The following TRHDE variants were observed in gnomAD, a reference collection of about 807,000 sequenced individuals.
TRHDE encodes the protein thyrotropin releasing hormone degrading enzyme.
In TRHDE, 72 loss-of-function variants were observed where a neutral mutation model predicts 125.7. The observed-to-expected ratio is 0.57, with a 90% CI of 0.47 to 0.70. The LOEUF (loss-of-function observed/expected upper bound fraction) is 0.70, where lower values mean the gene tolerates loss of function less well. TRHDE is among the 30% of genes least tolerant of loss of function. The pLI, the probability that TRHDE is intolerant of heterozygous loss-of-function variation, is 0.00. For synonymous variants in TRHDE, 509 were observed against 509.1 expected, an observed-to-expected ratio of 1.00 and a Z score of 0.00; for missense variants, 1,110 against 1,327.1, an observed-to-expected ratio of 0.84 and a Z score of 2.54.
intron 2 of TRHDE, among the ~76,000 whole-genome samples, chr12:72,171,766 T>A (rs2139335728): frequency 6.6e-6 from 1 of 152,300 alleles, no homozygotes; most frequent in Admixed American, 6.5e-5. Context: ...AAGAATGCTA[T>A]GGCCTATGTT....
intron 2 of TRHDE, among the ~76,000 whole-genome samples, chr12:72,240,254 T>G (rs953180507): frequency 6.6e-6 from 1 of 150,426 alleles, no homozygotes; most frequent in African/African-American, 2.4e-5. Flanking sequence ...ATTAAAATCC[T>G]ACACCAAAAA....
At chr12:72,295,384 C>G (rs1253173442) in intron 2 of TRHDE, among the ~76,000 whole-genome samples, 3 of 152,164 alleles carry the variant, frequency 2.0e-5, no homozygotes, top group Non-Finnish European at 4.4e-5. Flanking sequence ...AGATGGCCCA[C>G]TGCTGCCGTC....
chr12:72,506,240 G>A (rs573767643), intron 6 of TRHDE, among the ~76,000 whole-genome samples: 3 of 152,248 alleles, frequency 2.0e-5, no homozygotes, highest in African/African-American at 7.2e-5. Flanking sequence ...GGGTCTGGGA[G>A]TTAGAGGCTA....
At chr12:72,160,031 AC>A (rs1249151394) in intron 2 of TRHDE, among the ~76,000 whole-genome samples, 1 of 152,134 alleles carries the variant, frequency 6.6e-6, no homozygotes, top group Non-Finnish European at 1.5e-5. Flanking sequence ...CTCTTCTTCT[AC>A]CATTCATGCC....
chr12:72,576,425 TTC>T (rs1870997151), intron 12 of TRHDE, among the ~76,000 whole-genome samples: 2 of 152,136 alleles, frequency 1.3e-5, no homozygotes, highest in African/African-American at 2.4e-5. Context: ...AGTTTATGTA[TTC>T]AATCAAAATT....
At chr12:72,537,592 T>C (rs1007308263) in intron 6 of TRHDE, among the ~76,000 whole-genome samples, 29 of 152,100 alleles carry the variant, frequency 1.9e-4, no homozygotes, top group African/African-American at 6.8e-4. Flanking sequence ...TCTTGGGTAG[T>C]TCTTTATAGC....
chr12:72,405,021 C>A (rs1376710844), intron 3 of TRHDE, among the ~76,000 whole-genome samples: 1 of 152,192 alleles, frequency 6.6e-6, no homozygotes, highest in African/African-American at 2.4e-5. Flanking sequence ...ATGAGGGAGA[C>A]AGATCTAAGT....
intron 2 of TRHDE, among the ~76,000 whole-genome samples, chr12:72,337,816 TTTTATTTTTA>T (rs67146424): frequency 0.35 from 52,452 of 151,542 alleles, 9,761 homozygotes; most frequent in Non-Finnish European, 0.43. Flanking sequence ...TTATTATTAT[TTTTATTTTTA>T]TTGTCAGCCC....
chr12:72,206,834 T>C (rs997481810), intron 2 of TRHDE, among the ~76,000 whole-genome samples: 12 of 151,848 alleles, frequency 7.9e-5, no homozygotes, highest in African/African-American at 2.2e-4. Context: ...TAAATACTTA[T>C]ATATAATATG....
At chr12:72,509,325 C>T (rs1472092863) in intron 6 of TRHDE, among the ~76,000 whole-genome samples, 1 of 151,852 alleles carries the variant, frequency 6.6e-6, no homozygotes, top group African/African-American at 2.4e-5. Flanking sequence ...ACCCACAAAT[C>T]CCTTCCTGAT....
At chr12:72,405,414 G>A (rs1416928037) in intron 3 of TRHDE, among the ~76,000 whole-genome samples, 1 of 152,148 alleles carries the variant, frequency 6.6e-6, no homozygotes, top group Admixed American at 6.5e-5. Flanking sequence ...CACCTACTGT[G>A]ATTTGAGTTA....
intron 15 of TRHDE, among the ~76,000 whole-genome samples, chr12:72,645,655 T>C (rs1450820931): frequency 6.6e-6 from 1 of 152,224 alleles, no homozygotes; most frequent in East Asian, 1.9e-4. Flanking sequence ...TAAGGAAATG[T>C]ACATCAAGAC....
intron 3 of TRHDE, among the ~76,000 whole-genome samples, chr12:72,417,669 G>A (rs1341716740): frequency 2.0e-5 from 3 of 151,940 alleles, no homozygotes; most frequent in Admixed American, 6.6e-5. Flanking sequence ...ACTGAGCTGT[G>A]TGATTCTATT....
chr12:72,253,653 T>A (rs986245551), intron 2 of TRHDE: 1 of 152,170 alleles, frequency 6.6e-6, no homozygotes, highest in Non-Finnish European at 1.5e-5. Context: ...GAGTGGTACA[T>A]TTGTTATAAC....
At chr12:72,395,071 T>G (rs1369427067) in intron 3 of TRHDE, among the ~76,000 whole-genome samples, 1 of 152,206 alleles carries the variant, frequency 6.6e-6, no homozygotes, top group Non-Finnish European at 1.5e-5. Context: ...ATACTTAAAA[T>G]ATACATTCTT....
rs551294367 is a variant in TRHDE, at chr12:72,127,179, C to A, written n.279+21427C>A. 3.3e-5 allele frequency among the ~76,000 whole-genome samples: 5 copies of A among 152,044 alleles called. No homozygotes were observed. In the South Asian group the frequency reaches 8.3e-4, roughly 25 times the overall value. ...CCAGTCAGAATGGCTATTATCAAAACGTTAAAAAATAACAGATGCTGGTAA... is the reference window on the plus strand; with the variant it reads ...CCAGTCAGAATGGCTATTATCAAAAAGTTAAAAAATAACAGATGCTGGTAA... On this transcript the variant is annotated intron_variant and non_coding_transcript_variant, in intron 2 of 4. Coordinates refer to the TRHDE transcript ENST00000548156.
At chr12:72,361,566 TTTA>T (rs975929787) in intron 2 of TRHDE, among the ~76,000 whole-genome samples, 4 of 151,560 alleles carry the variant, frequency 2.6e-5, no homozygotes, top group African/African-American at 9.7e-5. Context: ...TTTTTTTTAT[TTTA>T]TTATTATTAT....
At chr12:72,383,928 A>C (rs1430779006) in intron 3 of TRHDE, among the ~76,000 whole-genome samples, 1 of 152,074 alleles carries the variant, frequency 6.6e-6, no homozygotes, top group Non-Finnish European at 1.5e-5. Context: ...CGATGATTTG[A>C]TTGTCAGAGG....
intron 2 of TRHDE, among the ~76,000 whole-genome samples, chr12:72,113,753 A>T (rs1251060178): frequency 6.6e-6 from 1 of 152,038 alleles, no homozygotes; most frequent in African/African-American, 2.4e-5. Context: ...ACTGAAACCA[A>T]ATATATATTT....
Sources: gnomAD v4.1 joint callset for allele counts (sites outside exome capture counted in the v4.1 genomes callset) on GRCh38, gnomAD v4.1.1 for gene constraint, MANE v1.5 for transcripts, NCBI Gene and HGNC (gene_info 2026-07-23, HGNC 2026-07-21) for gene names.